Variants in GPR107 observed in about 807,000 individuals in gnomAD.
The protein encoded by GPR107 is protein GPR107.
GPR107 carries 31 observed loss-of-function variants against 75.5 expected under a neutral mutation model. The observed-to-expected ratio is 0.41, with a 90% CI of 0.31 to 0.55. The LOEUF is 0.55. GPR107 is among the 20% of genes least tolerant of loss of function. GPR107 has a pLI of 0.26. For missense variants in GPR107, 572 were observed against 665.7 expected, an observed-to-expected ratio of 0.86 and a Z score of 1.55; for synonymous variants, 267 against 251.3, an observed-to-expected ratio of 1.06 and a Z score of -0.59.
chr9:130,135,297 A>G lies in GPR107; in HGVS notation c.*176A>G, dbSNP rs1321530103. 1 of 488,670 alleles carries G rather than the reference A, an allele frequency of 2.0e-6. No individual in the cohort carries two copies. Among genetic ancestry groups the G allele is most frequent in the Non-Finnish European group, 3.6e-6 (1 of 278,030 alleles). 30.3% of individuals were successfully genotyped at this position (488,670 alleles called of 1,614,324 possible). On this transcript the variant is annotated 3_prime_UTR_variant, in exon 18 of 18. Coordinates refer to ENST00000347136, the MANE Select transcript of GPR107 (RefSeq NM_020960.5). Reference sequence around the variant, plus strand: ...TGATTTTGTACTCTCTTTTATGGAAACGATCTGTGGCTGTTTAGAGGCAGC... The same window carrying G: ...TGATTTTGTACTCTCTTTTATGGAAGCGATCTGTGGCTGTTTAGAGGCAGC...
intron 14 of GPR107, among the ~76,000 whole-genome samples, chr9:130,124,370 C>CA (rs1351878210): frequency 6.6e-6 from 1 of 152,142 alleles, no homozygotes; most frequent in Non-Finnish European, 1.5e-5. Flanking sequence ...AGGATCCAGC[C>CA]AGGGAGGTTG....
At chr9:130,064,230 G>A (rs1338926048) in intron 1 of GPR107, among the ~76,000 whole-genome samples, 1 of 109,254 alleles carries the variant, frequency 9.2e-6, no homozygotes, top group African/African-American at 3.6e-5. Flanking sequence ...TCGCTCTGTC[G>A]CCCAGGCCGG....
chr9:130,125,073 C>T, intron 15 of GPR107, 109 bp downstream of exon 15: 2 of 440,016 alleles, frequency 4.5e-6, no homozygotes, highest in Non-Finnish European at 7.9e-6. Flanking sequence ...CCACCTGGAG[C>T]TGAGCAGTGT....
intron 12 of GPR107, among the ~76,000 whole-genome samples, chr9:130,101,496 A>G (rs1177085826): frequency 6.6e-6 from 1 of 152,256 alleles, no homozygotes; most frequent in East Asian, 1.9e-4. Flanking sequence ...AGTAACACAC[A>G]GTACTGTTTT....
chr9:130,057,978 G>T lies in GPR107; in HGVS notation c.141+3905G>T, dbSNP rs141367478. 4.7e-3 allele frequency among the ~76,000 whole-genome samples: 715 copies of T among 151,972 alleles called. 8 individuals are homozygous for T. Among genetic ancestry groups the T allele is most frequent in the African/African-American group, 0.017 (689 of 41,484 alleles). Reference sequence around the variant, plus strand: ...CAAGTAGCTGGGATTATAGGCATGCGCCACCACGCCTGGCTAATTTTTGTA... The same window carrying T: ...CAAGTAGCTGGGATTATAGGCATGCTCCACCACGCCTGGCTAATTTTTGTA... On this transcript the variant is annotated intron_variant, in intron 1 of 17. Transcript: ENST00000347136.
In GPR107 at chr9:130,079,625, T is replaced by C. The variant is rs756027571; in HGVS notation, c.387-5T>C. 1 of 1,612,532 alleles carries C rather than the reference T, an allele frequency of 6.2e-7. No homozygotes were observed. The highest frequency in any genetic ancestry group is 1.1e-5 in the South Asian group (1 of 90,920). On this transcript the variant is annotated splice_polypyrimidine_tract_variant and splice_region_variant and intron_variant, in intron 4 of 17. Coordinates refer to ENST00000347136, the MANE Select transcript of GPR107 (RefSeq NM_020960.5). Reference sequence around the variant, plus strand: ...CTTTTTTCCTTCTGTCTTATTTGAATGTAGGGTAAGAGTAAAGTCTCCACC... The same window carrying C: ...CTTTTTTCCTTCTGTCTTATTTGAACGTAGGGTAAGAGTAAAGTCTCCACC...
chr9:130,074,899 C>T (rs1589490852), intron 1 of GPR107, among the ~76,000 whole-genome samples: 2 of 151,262 alleles, frequency 1.3e-5, no homozygotes, highest in African/African-American at 4.9e-5. Context: ...TTCTTCCTCC[C>T]CACCCCCCAG....
At chr9:130,113,611 A>G (rs1173529519) in intron 14 of GPR107, among the ~76,000 whole-genome samples, 2 of 152,082 alleles carry the variant, frequency 1.3e-5, no homozygotes, top group Admixed American at 1.3e-4. Flanking sequence ...TCTATAATAA[A>G]ATGTTTCTGT....
intron 14 of GPR107, 53 bp from the exon 15 acceptor site, chr9:130,124,861 CT>C: frequency 1.8e-6 from 2 of 1,131,498 alleles, no homozygotes; most frequent in Non-Finnish European, 1.3e-6. Context: ...ATGAGGCTTA[CT>C]TTTAAAAATG....
Position 130,077,423 on chromosome 9 carries a change from C to T in GPR107, c.386+45C>T, listed in dbSNP as rs752485293. 28 of 960,058 alleles carry T rather than the reference C, an allele frequency of 2.9e-5. 1 individual carries two copies. The highest frequency in any genetic ancestry group is 2.2e-4 in the South Asian group (17 of 77,904). The allele number at this position is 960,058 out of a possible 1,614,324, so 59.5% of individuals were successfully genotyped here. On this transcript the variant is annotated intron_variant, in intron 4 of 17. Coordinates refer to ENST00000347136, the MANE Select transcript of GPR107 (RefSeq NM_020960.5). ...CTTCAGTTCAGTCCTAGAGTAGAGTCGGGGAGAATTTAGTAGTATGCTAAC... is the reference window on the plus strand; with the variant it reads ...CTTCAGTTCAGTCCTAGAGTAGAGTTGGGGAGAATTTAGTAGTATGCTAAC...
intron 5 of GPR107, among the ~76,000 whole-genome samples, chr9:130,082,740 A>G (rs986845515): frequency 3.9e-5 from 6 of 152,020 alleles, no homozygotes; most frequent in African/African-American, 1.4e-4. Context: ...CAGCCTCCCA[A>G]AGTGCTGGGA....
At chr9:130,065,399 T>C (rs1589482408) in intron 1 of GPR107, among the ~76,000 whole-genome samples, 1 of 151,334 alleles carries the variant, frequency 6.6e-6, no homozygotes, top group Middle Eastern at 3.4e-3. Flanking sequence ...ATCGCACCAT[T>C]GCACTCCAGC....
intron 1 of GPR107, among the ~76,000 whole-genome samples, chr9:130,057,200 C>T (rs926220115): frequency 1.3e-5 from 2 of 152,040 alleles, no homozygotes; most frequent in African/African-American, 2.4e-5. Context: ...GCGTTGATCT[C>T]TTAAAACCTG....
intron 14 of GPR107, among the ~76,000 whole-genome samples, chr9:130,114,103 T>G (rs748844064): frequency 2.1e-4 from 31 of 147,788 alleles, no homozygotes; most frequent in Non-Finnish European, 3.6e-4. Context: ...GCACAGTGGC[T>G]TATGCCTGTA....
chr9:130,123,536 T>TTTC, intron 14 of GPR107, among the ~76,000 whole-genome samples: 1 of 148,110 alleles, frequency 6.8e-6, no homozygotes, highest in Middle Eastern at 3.5e-3. Context: ...TTTTCTTTTT[T>TTTC]TTTTTTTTTT....
rs550473567 is a variant in GPR107 at position 130,132,390 on chromosome 9, G to C, written c.1563-2635G>C. Among the ~76,000 whole-genome samples, 16 of 152,334 alleles carry C rather than the reference G, an allele frequency of 1.1e-4. No individual in the cohort carries two copies. The East Asian group carries it at 3.1e-3, about 29-fold the overall frequency. On this transcript the variant is annotated intron_variant, in intron 17 of 17. Transcript: ENST00000347136. ...CAGAGTAGGAATCAAGGCCATCCTT[G>C]GGTGACCAGGCAGACTGGGCCCTCG...
chr9:130,131,433 C>G (rs1831825259), intron 17 of GPR107, among the ~76,000 whole-genome samples: 1 of 152,094 alleles, frequency 6.6e-6, no homozygotes. Context: ...CAGTCCTGGC[C>G]ACACACTGAA....
intron 5 of GPR107, among the ~76,000 whole-genome samples, chr9:130,080,948 G>A (rs941713225): frequency 3.3e-5 from 5 of 150,562 alleles, no homozygotes; most frequent in Admixed American, 6.6e-5. Flanking sequence ...AGTGGCTCAC[G>A]CCTATAATCC....
chr9:130,070,501 G>T (rs989572913), intron 1 of GPR107, among the ~76,000 whole-genome samples: 2 of 151,862 alleles, frequency 1.3e-5, no homozygotes, highest in Non-Finnish European at 2.9e-5. Flanking sequence ...ATGAGGTTTC[G>T]CCATGTTGGC....
Sources: gnomAD v4.1 joint callset for allele counts (sites outside exome capture counted in the v4.1 genomes callset) on GRCh38, gnomAD v4.1.1 for gene constraint, MANE v1.5 for transcripts, NCBI Gene and HGNC (gene_info 2026-07-23, HGNC 2026-07-21) for gene names.